JADE3: variants seen among roughly 807,000 people sequenced by gnomAD.
JADE3 encodes the protein protein Jade-3.
JADE3 carries 2 observed loss-of-function variants against 50.1 expected under a neutral mutation model. The observed-to-expected ratio is 0.04, with a 90% CI of 0.02 to 0.13. The LOEUF (loss-of-function observed/expected upper bound fraction) is 0.13, where lower values mean the gene tolerates loss of function less well. JADE3 is among the 10% of genes least tolerant of loss of function. The pLI, the probability that JADE3 is intolerant of heterozygous loss-of-function variation, is 1.00. For missense variants in JADE3, 475 were observed against 634.4 expected, an observed-to-expected ratio of 0.75 and a Z score of 2.70; for synonymous variants, 218 against 232.9, an observed-to-expected ratio of 0.94 and a Z score of 0.58.
At chrX:47,037,917 G>C (rs782176883) in intron 7 of JADE3, among the ~76,000 whole-genome samples, 1 of 110,646 alleles carries the variant, frequency 9.0e-6, no homozygotes, top group Non-Finnish European at 1.9e-5. Context: ...ATTAATTATC[G>C]TCACCCTCCT....
intron 1 of JADE3, among the ~76,000 whole-genome samples, chrX:46,925,546 G>A (rs931252462): frequency 4.5e-4 from 50 of 112,001 alleles, no homozygotes; most frequent in African/African-American, 1.4e-3. Context: ...TATTGGCTGG[G>A]CGCAGTGGCT....
Position 46,928,594 on chromosome X carries a change from T to C in JADE3, c.-12+15875T>C, listed in dbSNP as rs782410122. 7.1e-5 allele frequency among the ~76,000 whole-genome samples: 8 copies of C among 111,952 alleles called. 1 individual carries two copies. The South Asian group carries it at 3.0e-3, about 42-fold the overall frequency. On this transcript the variant is annotated intron_variant, in intron 1 of 10. Transcript: ENST00000614628. ...CATGTTCTTATTTGTGTTTTTTGGTTTTTCTTAAAGACAGGATTTCACTCT... is the reference window on the plus strand; with the variant it reads ...CATGTTCTTATTTGTGTTTTTTGGTCTTTCTTAAAGACAGGATTTCACTCT...
intron 3 of JADE3, among the ~76,000 whole-genome samples, chrX:46,994,211 T>C (rs1314366561): frequency 8.9e-6 from 1 of 112,289 alleles, no homozygotes; most frequent in Non-Finnish European, 1.9e-5. Flanking sequence ...AAAGGGCATT[T>C]TCATTTTGTG....
chrX:47,003,888 A>G (rs1928353105), intron 4 of JADE3, among the ~76,000 whole-genome samples: 1 of 102,192 alleles, frequency 9.8e-6, no homozygotes, highest in Non-Finnish European at 2.0e-5. Context: ...ATTTTTATAT[A>G]TAAATTTATT....
chrX:47,021,498 C>T (rs191178216), intron 4 of JADE3, among the ~76,000 whole-genome samples: 1 of 111,260 alleles, frequency 9.0e-6, no homozygotes, highest in African/African-American at 3.3e-5. Flanking sequence ...GGTATGTGTA[C>T]GTTCAGCTAT....
intron 8 of JADE3, among the ~76,000 whole-genome samples, chrX:47,053,112 G>T (rs964735756): frequency 3.7e-5 from 4 of 108,038 alleles, no homozygotes; most frequent in African/African-American, 1.0e-4. Context: ...CACCAAGTTG[G>T]ACAGCTCAGT....
At chrX:47,011,891 A>G (rs1928572046) in intron 4 of JADE3, among the ~76,000 whole-genome samples, 1 of 112,300 alleles carries the variant, frequency 8.9e-6, no homozygotes, top group Admixed American at 9.5e-5. Flanking sequence ...GTCAGAAAAC[A>G]CAAGATTTTA....
In JADE3 at chrX:47,027,998, C is replaced by A; in HGVS notation, c.582C>A (p.Gly194=). Residue 194 remains glycine (G), a synonymous_variant, in exon 6 of 11, where the codon GGC becomes GGA. Coordinates refer to ENST00000614628, the MANE Select transcript of JADE3 (RefSeq NM_014735.5). ...NHAIETEEGL[G]IEYDEDVICD... Reference sequence around the variant, plus strand: ...CTATTGAGACAGAGGAAGGGCTAGGCATAGAGTATGATGAAGATGTGATCT... The same window carrying A: ...CTATTGAGACAGAGGAAGGGCTAGGAATAGAGTATGATGAAGATGTGATCT... The A allele has an allele frequency of 8.3e-7, 1 of 1,206,695 alleles. No homozygotes were observed.
At chrX:47,023,485 T>C (rs1928842484) in intron 4 of JADE3, among the ~76,000 whole-genome samples, 1 of 112,341 alleles carries the variant, frequency 8.9e-6, no homozygotes, top group African/African-American at 3.2e-5. Flanking sequence ...GGTGAATATG[T>C]ACCACATTTT....
intron 1 of JADE3, among the ~76,000 whole-genome samples, chrX:46,965,795 T>G (rs1031320170): frequency 8.9e-6 from 1 of 111,770 alleles, no homozygotes; most frequent in Non-Finnish European, 1.9e-5. Context: ...GCTGCAGAAG[T>G]AGACATGGCT....
chrX:46,952,792 G>GT (rs1256485946), intron 1 of JADE3, among the ~76,000 whole-genome samples: 1 of 111,809 alleles, frequency 8.9e-6, no homozygotes, highest in Admixed American at 9.5e-5. Flanking sequence ...GAGGTCAGGA[G>GT]TTTGAGACCA....
intron 1 of JADE3, among the ~76,000 whole-genome samples, chrX:46,980,706 CT>C (rs1242618480): frequency 9.0e-6 from 1 of 111,323 alleles, no homozygotes; most frequent in Non-Finnish European, 1.9e-5. Flanking sequence ...TTCTCTTATG[CT>C]TTTTGTAAAT....
At chrX:46,998,888 AG>A (rs1928204728) in intron 4 of JADE3, among the ~76,000 whole-genome samples, 1 of 110,093 alleles carries the variant, frequency 9.1e-6, no homozygotes, top group Non-Finnish European at 1.9e-5. Flanking sequence ...TAATAGAGAC[AG>A]GGTTTCATCA....
intron 10 of JADE3, among the ~76,000 whole-genome samples, chrX:47,056,865 A>G (rs1238913732): frequency 3.6e-5 from 4 of 112,015 alleles, no homozygotes; most frequent in African/African-American, 9.7e-5. Flanking sequence ...ACAGAGGTCA[A>G]TGGCAGAGCC....
intron 1 of JADE3, among the ~76,000 whole-genome samples, chrX:46,934,721 C>T (rs1391209333): frequency 2.7e-5 from 3 of 111,131 alleles, no homozygotes; most frequent in Non-Finnish European, 3.8e-5. Flanking sequence ...AAGCCTGAGC[C>T]ACCGTGCCCG....
At chrX:46,981,229 T>C (rs1927747103) in intron 1 of JADE3, among the ~76,000 whole-genome samples, 1 of 112,078 alleles carries the variant, frequency 8.9e-6, no homozygotes, top group African/African-American at 3.2e-5. Flanking sequence ...GATAATTTGT[T>C]ACTGTAACGT....
rs1223056851 is a variant in JADE3, at chrX:46,985,003, T to C, written c.46+63T>C. On this transcript the variant is annotated intron_variant, in intron 2 of 10. Coordinates refer to ENST00000614628, the MANE Select transcript of JADE3 (RefSeq NM_014735.5). ...CTATATCCCTTGAGGATTTTTCCTT[T>C]CATTTGAGGATAAACCATTTCATGC... 7.5e-6 allele frequency: 7 copies of C among 928,067 alleles called. No individual in the cohort carries two copies. In the African/African-American group the frequency reaches 1.2e-4, roughly 15 times the overall value. The allele number at this position is 928,067 out of a possible 1,213,427, so 76.5% of individuals were successfully genotyped here.
intron 1 of JADE3, among the ~76,000 whole-genome samples, chrX:46,943,547 G>C (rs377426759): frequency 8.9e-6 from 1 of 112,274 alleles, no homozygotes; most frequent in South Asian, 3.7e-4. Flanking sequence ...AACTAACCTA[G>C]TATCCCAGGA....
At position 46,934,367 on chromosome X, in the gene JADE3, C is replaced by T. The variant is rs782738160; in HGVS notation, c.-12+21648C>T. Among the ~76,000 whole-genome samples the T allele has an allele frequency of 2.4e-3, 253 of 107,345 alleles. 1 individual carries two copies. The highest frequency in any genetic ancestry group is 8.1e-3 in the African/African-American group (236 of 29,307). The allele number at this position is 107,345 out of a possible 115,157, so 93.2% of individuals were successfully genotyped here. A position where few individuals can be genotyped will look rare whatever the true frequency, so the allele number is the denominator to read the frequency against. On this transcript the variant is annotated intron_variant, in intron 1 of 10. Transcript: ENST00000614628. ...AGGCTGGAGTACAGTGGCGCGATCTCGGCTCACTGCAAGCTCCGCCTCCCG... is the reference window on the plus strand; with the variant it reads ...AGGCTGGAGTACAGTGGCGCGATCTTGGCTCACTGCAAGCTCCGCCTCCCG...
Sources: gnomAD v4.1 joint callset for allele counts (sites outside exome capture counted in the v4.1 genomes callset) on GRCh38, gnomAD v4.1.1 for gene constraint, MANE v1.5 for transcripts, NCBI Gene and HGNC (gene_info 2026-07-23, HGNC 2026-07-21) for gene names.